The following TRPM6 variants were observed in gnomAD, a reference collection of about 807,000 sequenced individuals.
The protein encoded by TRPM6 is transient receptor potential cation channel subfamily M member 6.
TRPM6 carries 111 observed loss-of-function variants against 247.6 expected under a neutral mutation model. That is an observed-to-expected ratio of 0.45 (90% CI 0.38 to 0.52). The LOEUF is 0.52. Among genes scored for constraint, TRPM6 ranks in the 20% least tolerant of loss-of-function variants. The probability of loss-of-function intolerance (pLI) is 0.00; values close to 1 mark genes in which losing one functional copy is unlikely to be tolerated. For missense variants in TRPM6, 2,126 were observed against 2,421.5 expected (o/e 0.88, Z 2.56); for synonymous variants, 892 against 853.8 (o/e 1.04, Z -0.78).
rs1450385387 is a variant in TRPM6, at chr9:74,812,382, C to A, written c.1360G>T (p.Asp454Tyr). Residue 454 changes from aspartate (D) to tyrosine (Y), a missense_variant, in exon 12 of 39, where the codon GAT becomes TAT. Asp to Tyr is a radical substitution (Grantham distance 160). Around this residue, in one of 3 missense-constraint regions of TRPM6, gnomAD observed 1,082 missense variants for 1,307.9 expected, o/e 0.83. Coordinates refer to ENST00000360774, the MANE Select transcript of TRPM6 (RefSeq NM_017662.5). ...MSDALVMDRV[D>Y]FVKLLIEYGV... ...TATTCTATTAAGAGCTTCACAAAAT[C>A]CACCCGATCCATCACTAAAGCATCT... The A allele has an allele frequency of 6.2e-7, 1 of 1,614,034 alleles. No individual in the cohort carries two copies. Among genetic ancestry groups the A allele is most frequent in the Admixed American group, 1.7e-5 (1 of 60,018 alleles).
chr9:74,739,094 C>CCAAGAT, intron 35 of TRPM6, among the ~76,000 whole-genome samples: 1 of 152,068 alleles, frequency 6.6e-6, no homozygotes, highest in Non-Finnish European at 1.5e-5. Flanking sequence ...TTAATAACAC[C>CCAAGAT]CAAGATCTGT....
intron 9 of TRPM6, 54 bp downstream of exon 9, chr9:74,820,250 G>A: frequency 1.3e-6 from 2 of 1,582,028 alleles, no homozygotes; most frequent in Non-Finnish European, 1.7e-6. Context: ...ATATTACAGT[G>A]TTTATAAATT....
chr9:74,855,667 C>T, intron 2 of TRPM6, 102 bp from the exon 3 acceptor site: 1 of 845,954 alleles, frequency 1.2e-6, no homozygotes, highest in Non-Finnish European at 2.0e-6. Context: ...ATCTAGAAAT[C>T]AAGGTTTGCT....
chr9:74,771,868 CATT>C, intron 24 of TRPM6, 33 bp from the exon 25 acceptor site: 6 of 1,605,190 alleles, frequency 3.7e-6, no homozygotes, highest in Non-Finnish European at 5.1e-6. Context: ...CAGAAAGAAT[CATT>C]ATTCACCTCA....
intron 27 of TRPM6, among the ~76,000 whole-genome samples, chr9:74,758,232 T>C (rs1826501446): frequency 6.6e-6 from 1 of 152,078 alleles, no homozygotes; most frequent in Admixed American, 6.6e-5. Context: ...CCTTACAAAT[T>C]CACCCAGAAA....
At chr9:74,807,249 C>T (rs1483367391) in intron 14 of TRPM6, among the ~76,000 whole-genome samples, 1 of 152,158 alleles carries the variant, frequency 6.6e-6, no homozygotes, top group Non-Finnish European at 1.5e-5. Flanking sequence ...CCAGTCTCCT[C>T]CCTTAAAACC....
chr9:74,806,325 C>T (rs867752056), intron 14 of TRPM6, among the ~76,000 whole-genome samples: 7 of 151,430 alleles, frequency 4.6e-5, no homozygotes, highest in Non-Finnish European at 7.4e-5. Context: ...TGGATCTCAC[C>T]GTGTTGCCCA....
At position 74,782,456 on chromosome 9, in the gene TRPM6, A is replaced by G; in HGVS notation, c.3115T>C (p.Cys1039Arg). 1.2e-6 allele frequency: 2 copies of G among 1,614,100 alleles called. No homozygotes were observed. The highest frequency in any genetic ancestry group is 1.7e-6 in the Non-Finnish European group (2 of 1,179,952). The change falls in exon 23 of 39, where the codon TGC (cysteine) becomes CGC (arginine). Residue 1039 changes from cysteine to arginine, a missense_variant. By Grantham distance (180) the Cys-to-Arg change is radical. Transcript: ENST00000360774. Reference sequence around the variant, plus strand: ...GGAGTAAGAAAAGAACCAGGAGGGCAGGATGGCTGGCTTGAACAAACTACA... The same window carrying G: ...GGAGTAAGAAAAGAACCAGGAGGGCGGGATGGCTGGCTTGAACAAACTACA... ...EIDVCSSQPS[C>R]PPGSFLTPFL...
At chr9:74,812,183 G>A in intron 12 of TRPM6, 116 bp downstream of exon 12, 1 of 1,357,380 alleles carries the variant, frequency 7.4e-7, no homozygotes, top group Non-Finnish European at 1.0e-6. Flanking sequence ...TAATAGGGAA[G>A]TCCAGCTACT....
Position 74,827,845 on chromosome 9 carries a change from C to T in TRPM6, c.774G>A (p.Lys258=). 1 of 1,614,092 alleles carries T rather than the reference C, an allele frequency of 6.2e-7. No homozygotes were observed. Among genetic ancestry groups the T allele is most frequent in the Non-Finnish European group, 8.5e-7 (1 of 1,180,020 alleles). ...TTCTGAGCTTCATTTCATTTCCATA[C>T]TTGCCCACGGTCCCATCATCAGACA... ...FILSDDGTVG[K]YGNEMKLRRN... Residue 258 remains lysine, a synonymous_variant, in exon 7 of 39, where the codon AAG becomes AAA. Coordinates refer to ENST00000360774, the MANE Select transcript of TRPM6 (RefSeq NM_017662.5).
intron 1 of TRPM6, among the ~76,000 whole-genome samples, chr9:74,879,436 T>G (rs1295757456): frequency 6.6e-6 from 1 of 152,098 alleles, no homozygotes; most frequent in Non-Finnish European, 1.5e-5. Context: ...AACTCCCATA[T>G]CCTTTCTTTG....
In TRPM6 at chr9:74,810,833, G is replaced by A. The variant is rs777880735; in HGVS notation, c.1479C>T (p.Leu493=). ...QGPTNTLLHH[L]VQDVKQHTLL... ...AGGTTACCTGTTTCACATCTTGGACGAGATGATGCAAGAGTGTATTAGTAG... is the reference window on the plus strand; with the variant it reads ...AGGTTACCTGTTTCACATCTTGGACAAGATGATGCAAGAGTGTATTAGTAG... Residue 493 remains leucine (L), a synonymous_variant, in exon 13 of 39, where the codon CTC becomes CTT. Coordinates refer to ENST00000360774, the MANE Select transcript of TRPM6 (RefSeq NM_017662.5). The A allele has an allele frequency of 1.4e-5, 23 of 1,613,608 alleles. No homozygotes were observed. The highest frequency in any genetic ancestry group is 1.6e-4 in the Middle Eastern group (1 of 6,084).
At position 74,818,593 on chromosome 9, in the gene TRPM6, G is replaced by C. The variant is rs901137546; in HGVS notation, c.1135-1629C>G. Reference sequence around the variant, plus strand: ...GCTGGGATTATAGGCGTGAGCCAACGTGTCCGAGCATATCTGTCATTTCTT... The same window carrying C: ...GCTGGGATTATAGGCGTGAGCCAACCTGTCCGAGCATATCTGTCATTTCTT... On this transcript the variant is annotated intron_variant, in intron 9 of 38. Transcript: ENST00000360774. 7.9e-5 allele frequency among the ~76,000 whole-genome samples: 12 copies of C among 152,136 alleles called. 1 individual carries two copies. The highest frequency in any genetic ancestry group is 6.5e-4 in the Admixed American group (10 of 15,280).
At chr9:74,802,276 T>A in intron 15 of TRPM6, 101 bp from the exon 16 acceptor site, 3 of 1,063,142 alleles carry the variant, frequency 2.8e-6, no homozygotes, top group Admixed American at 2.2e-5. Flanking sequence ...TTTTAATCAC[T>A]ACTAAAAAAG....
intron 14 of TRPM6, among the ~76,000 whole-genome samples, chr9:74,807,815 A>C (rs146727940): frequency 1.1e-3 from 162 of 152,334 alleles, no homozygotes; most frequent in African/African-American, 3.6e-3. Flanking sequence ...AGTTACTCAT[A>C]AATCTGTTTA....
chr9:74,869,207 C>T (rs528917539), intron 1 of TRPM6, among the ~76,000 whole-genome samples: 12 of 151,932 alleles, frequency 7.9e-5, no homozygotes, highest in South Asian at 2.1e-4. Flanking sequence ...CAGTCAGGGC[C>T]GGCCTGTAAT....
At chr9:74,775,786 C>G in intron 24 of TRPM6, 97 bp downstream of exon 24, 2 of 1,254,542 alleles carry the variant, frequency 1.6e-6, no homozygotes, top group South Asian at 2.4e-5. Context: ...CCCAGAGCCC[C>G]ACAGTGCCCT....
chr9:74,887,680 G>C (rs775539945), intron 1 of TRPM6, 144 bp downstream of exon 1: 2 of 1,605,218 alleles, frequency 1.2e-6, no homozygotes, highest in Admixed American at 1.7e-5. Context: ...CTTGAAAGCC[G>C]GTATTTCATA....
intron 3 of TRPM6, among the ~76,000 whole-genome samples, chr9:74,846,932 G>A (rs543744247): frequency 2.4e-4 from 37 of 152,212 alleles, no homozygotes; most frequent in African/African-American, 8.2e-4. Flanking sequence ...TTGTTTACAC[G>A]TTCCAAAAAG....
Sources: allele counts gnomAD v4.1 joint callset (sites outside exome capture counted in the v4.1 genomes callset), GRCh38; gene constraint gnomAD v4.1.1; regional missense constraint gnomAD v4.1.1; transcripts MANE v1.5; gene names NCBI Gene and HGNC (gene_info 2026-07-23, HGNC 2026-07-21).